PXDNL: variants seen among roughly 807,000 people sequenced by gnomAD.
The protein encoded by PXDNL is peroxidasin like.
PXDNL carries 145 observed loss-of-function variants against 150.8 expected under a neutral mutation model. The observed-to-expected ratio is 0.96, with a 90% CI of 0.84 to 1.10. The LOEUF (loss-of-function observed/expected upper bound fraction) is 1.10, where lower values mean the gene tolerates loss of function less well. PXDNL is among the 50% of genes least tolerant of loss of function. The probability of loss-of-function intolerance (pLI) is 0.00; values close to 1 mark genes in which losing one functional copy is unlikely to be tolerated. For synonymous variants in PXDNL, 757 were observed against 725.7 expected, an observed-to-expected ratio of 1.04 and a Z score of -0.69; for missense variants, 2,087 against 1,873.9, an observed-to-expected ratio of 1.11 and a Z score of -2.10.
rs189976692 is a variant in PXDNL at position 51,604,145 on chromosome 8, C to A, written c.237-11447G>T. Among the ~76,000 whole-genome samples the A allele has an allele frequency of 9.6e-3, 1,462 of 152,268 alleles. 9 individuals are homozygous for A. Among genetic ancestry groups the A allele is most frequent in the South Asian group, 0.026 (124 of 4,820 alleles). On this transcript the variant is annotated intron_variant, in intron 2 of 22. Transcript: ENST00000356297. ...ACCATTTGACCCAGCCATCCCATTACTGGGTATATACCCAAAGGATTATAA... is the reference window on the plus strand; with the variant it reads ...ACCATTTGACCCAGCCATCCCATTAATGGGTATATACCCAAAGGATTATAA...
chr8:51,591,272 A>C (rs1813436965), intron 3 of PXDNL, among the ~76,000 whole-genome samples: 1 of 152,188 alleles, frequency 6.6e-6, no homozygotes, highest in Admixed American at 6.5e-5. Flanking sequence ...ACATCAGCAG[A>C]AAATTGACTA....
At chr8:51,561,474 C>A (rs546777085) in intron 3 of PXDNL, among the ~76,000 whole-genome samples, 8 of 151,712 alleles carry the variant, frequency 5.3e-5, no homozygotes, top group Non-Finnish European at 1.0e-4. Flanking sequence ...AAGTTCAAGA[C>A]CAGTCTGGAA....
intron 17 of PXDNL, among the ~76,000 whole-genome samples, chr8:51,386,420 C>T (rs1807713570): frequency 6.6e-6 from 1 of 152,044 alleles, no homozygotes; most frequent in Non-Finnish European, 1.5e-5. Flanking sequence ...TCAGAAATCA[C>T]ACCCCTATGT....
chr8:51,528,457 A>G (rs1157706020), intron 4 of PXDNL, among the ~76,000 whole-genome samples: 3 of 152,228 alleles, frequency 2.0e-5, no homozygotes, highest in Non-Finnish European at 2.9e-5. Flanking sequence ...ATATACAGCC[A>G]TTAAATTGTG....
intron 19 of PXDNL, among the ~76,000 whole-genome samples, chr8:51,362,440 A>C (rs1030298933): frequency 1.3e-5 from 2 of 152,238 alleles, no homozygotes; most frequent in African/African-American, 4.8e-5. Flanking sequence ...TACATTTATA[A>C]AGGAAATCTC....
chr8:51,448,215 C>T (rs947575834), intron 11 of PXDNL, among the ~76,000 whole-genome samples: 3 of 152,200 alleles, frequency 2.0e-5, no homozygotes, highest in Non-Finnish European at 4.4e-5. Context: ...CTGTTATGTG[C>T]CCAGATTCCC....
intron 2 of PXDNL, among the ~76,000 whole-genome samples, chr8:51,611,737 T>G (rs1426440620): frequency 6.6e-6 from 1 of 151,572 alleles, no homozygotes; most frequent in African/African-American, 2.4e-5. Flanking sequence ...GTCCAGAGAT[T>G]CCCAGGAGGG....
Position 51,608,118 on chromosome 8 carries a change from G to T in PXDNL, c.237-15420C>A, listed in dbSNP as rs1238731807. Among the ~76,000 whole-genome samples the T allele has an allele frequency of 6.9e-5, 10 of 145,482 alleles. 1 individual carries two copies. Among genetic ancestry groups the T allele is most frequent in the African/African-American group, 2.7e-4 (10 of 37,484 alleles). Reference sequence around the variant, plus strand: ...GCAAGCAAGCAAGCAAGCCGGGCACGGTCGCTCACGCCTGTAATCCCAGCA... The same window carrying T: ...GCAAGCAAGCAAGCAAGCCGGGCACTGTCGCTCACGCCTGTAATCCCAGCA... On this transcript the variant is annotated intron_variant, in intron 2 of 22. Coordinates refer to ENST00000356297, the MANE Select transcript of PXDNL (RefSeq NM_144651.5).
chr8:51,703,696 C>A (rs1363758453), intron 1 of PXDNL, among the ~76,000 whole-genome samples: 1 of 152,154 alleles, frequency 6.6e-6, no homozygotes, highest in Non-Finnish European at 1.5e-5. Context: ...CGAGTAACTT[C>A]TTGTGTCCAC....
chr8:51,343,564 G>A (rs1806054186), intron 20 of PXDNL, among the ~76,000 whole-genome samples: 1 of 152,188 alleles, frequency 6.6e-6, no homozygotes, highest in South Asian at 2.1e-4. Flanking sequence ...GCCACCCAGA[G>A]TATTAAGTGT....
intron 4 of PXDNL, among the ~76,000 whole-genome samples, chr8:51,537,571 G>T (rs1051009232): frequency 2.6e-5 from 4 of 152,106 alleles, no homozygotes; most frequent in African/African-American, 9.7e-5. Flanking sequence ...AAGAGCAACA[G>T]GGGGGAAGAG....
chr8:51,775,791 C>T (rs7012455), intron 1 of PXDNL, among the ~76,000 whole-genome samples: 85,650 of 151,902 alleles, frequency 0.56, 27,672 homozygotes, highest in Non-Finnish European at 0.72. Context: ...AATTTGAAAG[C>T]TGGGCACCTT....
chr8:51,473,445 A>C (rs1420850075), intron 7 of PXDNL, among the ~76,000 whole-genome samples: 1 of 152,192 alleles, frequency 6.6e-6, no homozygotes, highest in Non-Finnish European at 1.5e-5. Flanking sequence ...AAGGCTTTCC[A>C]TGTAATTCAT....
chr8:51,750,714 ACCTGAAAGT>A (rs2037036083), intron 1 of PXDNL, among the ~76,000 whole-genome samples: 1 of 152,190 alleles, frequency 6.6e-6, no homozygotes, highest in African/African-American at 2.4e-5. Flanking sequence ...TATCAAACCT[ACCTGAAAGT>A]CCTTTTCTTC....
intron 1 of PXDNL, among the ~76,000 whole-genome samples, chr8:51,782,397 A>G (rs1312589619): frequency 6.6e-6 from 1 of 152,198 alleles, no homozygotes; most frequent in Admixed American, 6.5e-5. Context: ...CTTAAATATC[A>G]GGATAAATGC....
intron 4 of PXDNL, among the ~76,000 whole-genome samples, chr8:51,510,273 G>A (rs530239292): frequency 1.1e-4 from 17 of 152,228 alleles, no homozygotes; most frequent in African/African-American, 3.9e-4. Flanking sequence ...TTGACCCATC[G>A]AGAGCATGAT....
intron 1 of PXDNL, among the ~76,000 whole-genome samples, chr8:51,681,528 C>T (rs2130847263): frequency 6.6e-6 from 1 of 152,346 alleles, no homozygotes; most frequent in Admixed American, 6.5e-5. Flanking sequence ...CCTCAGCCCA[C>T]ATGCTGCTGC....
intron 1 of PXDNL, among the ~76,000 whole-genome samples, chr8:51,745,998 A>G (rs2036980512): frequency 6.6e-6 from 1 of 152,070 alleles, no homozygotes; most frequent in South Asian, 2.1e-4. Flanking sequence ...ACCTCAGGTG[A>G]TCCTTCTGCC....
intron 19 of PXDNL, among the ~76,000 whole-genome samples, chr8:51,351,886 G>T (rs2130721791): frequency 6.6e-6 from 1 of 152,178 alleles, no homozygotes; most frequent in South Asian, 2.1e-4. Flanking sequence ...ATAGTGGTTT[G>T]CTTTCTCACA....
Sources: gnomAD v4.1 joint callset for allele counts (sites outside exome capture counted in the v4.1 genomes callset) on GRCh38, gnomAD v4.1.1 for gene constraint, MANE v1.5 for transcripts, NCBI Gene and HGNC (gene_info 2026-07-23, HGNC 2026-07-21) for gene names.